EPN2: variants seen among roughly 807,000 people sequenced by gnomAD.
The protein encoded by EPN2 is epsin-2.
In EPN2, 34 loss-of-function variants were observed where a neutral mutation model predicts 61.7. The observed-to-expected ratio is 0.55, with a 90% CI of 0.42 to 0.73. The LOEUF (loss-of-function observed/expected upper bound fraction) is 0.73, where lower values mean the gene tolerates loss of function less well. Among genes scored for constraint, EPN2 ranks in the 30% least tolerant of loss-of-function variants. The pLI is 0.00. For synonymous variants in EPN2, 349 were observed against 353.6 expected, an observed-to-expected ratio of 0.99 and a Z score of 0.15; for missense variants, 714 against 839.2, an observed-to-expected ratio of 0.85 and a Z score of 1.84.
chr17:19,320,755 C>T (rs1248719869), intron 7 of EPN2, among the ~76,000 whole-genome samples: 1 of 152,152 alleles, frequency 6.6e-6, no homozygotes, highest in Non-Finnish European at 1.5e-5. Context: ...AGATTATGGG[C>T]CACTCTAATC....
chr17:19,313,178 A>G lies in EPN2; in HGVS notation c.1046A>G (p.Gln349Arg), dbSNP rs370518249. 2.5e-6 allele frequency: 4 copies of G among 1,613,464 alleles called. No homozygotes were observed. The African/African-American group carries it at 4.0e-5, about 16-fold the overall frequency. Reference sequence around the variant, plus strand: ...CTCCCCAGCTCGGGCCCCGCGGCCCAGAAAGCAGAGCCCTGGGGCCCGTCA... The same window carrying G: ...CTCCCCAGCTCGGGCCCCGCGGCCCGGAAAGCAGAGCCCTGGGGCCCGTCA... The part of the protein sequence containing the change: ...DALPSSGPAA[Q>R]KAEPWGPSAS... Residue 349 changes from glutamine to arginine, a missense_variant, in exon 7 of 11, where the codon CAG becomes CGG. Around this residue, in one of 2 missense-constraint regions of EPN2, gnomAD observed 410 missense variants for 421.8 expected, o/e 0.97. Coordinates refer to ENST00000314728, the MANE Select transcript of EPN2 (RefSeq NM_014964.5).
At chr17:19,307,788 C>G in intron 4 of EPN2, 22 of 460,356 alleles carry the variant, frequency 4.8e-5, no homozygotes, top group Non-Finnish European at 6.0e-5. Context: ...CCAGAAGCAG[C>G]CTCTTTCTAC....
At chr17:19,314,098 C>T (rs940910043) in intron 7 of EPN2, among the ~76,000 whole-genome samples, 30 of 152,124 alleles carry the variant, frequency 2.0e-4, no homozygotes, top group Admixed American at 9.2e-4. Flanking sequence ...ACTCGGTTCC[C>T]TAGATGTTTG....
chr17:19,313,485 T>C (rs1312030050), intron 7 of EPN2: 26 of 436,630 alleles, frequency 6.0e-5, no homozygotes, highest in Non-Finnish European at 9.2e-5. Context: ...TTTTGAGTGG[T>C]TTTCTGCTTT....
intron 4 of EPN2, among the ~76,000 whole-genome samples, chr17:19,287,227 C>T (rs543250578): frequency 2.0e-5 from 3 of 152,040 alleles, no homozygotes; most frequent in Admixed American, 6.6e-5. Context: ...GCTTGGATAT[C>T]GCTCCCACCA....
At chr17:19,251,814 C>G (rs1463877857) in intron 1 of EPN2, among the ~76,000 whole-genome samples, 1 of 152,002 alleles carries the variant, frequency 6.6e-6, no homozygotes, top group African/African-American at 2.4e-5. Context: ...CTGCTTGGGA[C>G]TAGAAATCTT....
At chr17:19,313,000 T>C in intron 6 of EPN2, 105 bp from the exon 7 acceptor site, 1 of 1,227,464 alleles carries the variant, frequency 8.1e-7, no homozygotes, top group Admixed American at 2.1e-5. Flanking sequence ...CTAGAGGGCT[T>C]CACTGGAGGA....
At chr17:19,277,796 G>A (rs1041743509) in intron 1 of EPN2, among the ~76,000 whole-genome samples, 2 of 152,202 alleles carry the variant, frequency 1.3e-5, no homozygotes, top group Admixed American at 1.3e-4. Context: ...GCTTTGGCCG[G>A]GCGCGGTGGC....
intron 7 of EPN2, among the ~76,000 whole-genome samples, chr17:19,317,128 C>G (rs1416920040): frequency 6.6e-6 from 1 of 152,248 alleles, no homozygotes; most frequent in African/African-American, 2.4e-5. Context: ...GCTGTGCCCT[C>G]TGGATGAAAG....
chr17:19,246,750 A>C, intron 1 of EPN2, among the ~76,000 whole-genome samples: 1 of 141,908 alleles, frequency 7.0e-6, no homozygotes. Flanking sequence ...CCCTGAAAGC[A>C]AGTCCTCCCT....
chr17:19,316,713 A>G (rs1259745972), intron 7 of EPN2, among the ~76,000 whole-genome samples: 1 of 152,254 alleles, frequency 6.6e-6, no homozygotes, highest in Non-Finnish European at 1.5e-5. Context: ...GAGCATTTCT[A>G]GGCATCATTA....
At chr17:19,243,384 ATTTTTTTT>A (rs1013094131) in intron 1 of EPN2, among the ~76,000 whole-genome samples, 49 of 77,264 alleles carry the variant, frequency 6.3e-4, no homozygotes, top group East Asian at 4.5e-3. Context: ...TGCCTGGCTA[ATTTTTTTT>A]TTTTTTTTTT....
intron 4 of EPN2, among the ~76,000 whole-genome samples, chr17:19,296,041 C>T (rs573047369): frequency 4.6e-5 from 7 of 152,338 alleles, no homozygotes; most frequent in African/African-American, 7.2e-5. Context: ...TAATGGAAAG[C>T]TTAGTCCAGC....
chr17:19,315,904 C>T (rs939589250), intron 7 of EPN2, among the ~76,000 whole-genome samples: 3 of 152,180 alleles, frequency 2.0e-5, no homozygotes, highest in Non-Finnish European at 4.4e-5. Context: ...AAACCGCATA[C>T]CCAGGCCCTG....
At chr17:19,295,380 A>G (rs1314153888) in intron 4 of EPN2, among the ~76,000 whole-genome samples, 2 of 71,894 alleles carry the variant, frequency 2.8e-5, no homozygotes, top group Non-Finnish European at 8.3e-5. Flanking sequence ...GCGTGCGCGC[A>G]AAATAGCCAG....
At chr17:19,243,471 C>T (rs923134155) in intron 1 of EPN2, among the ~76,000 whole-genome samples, 119 of 143,818 alleles carry the variant, frequency 8.3e-4, no homozygotes, top group Non-Finnish European at 5.9e-5. Flanking sequence ...CAGCTCACTG[C>T]AAGCTCCGCC....
chr17:19,250,013 ACTTTTAAGGATC>A (rs2044996533), intron 1 of EPN2, among the ~76,000 whole-genome samples: 1 of 150,222 alleles, frequency 6.7e-6, no homozygotes, highest in Non-Finnish European at 1.5e-5. Flanking sequence ...TCCCACTTCC[ACTTTTAAGGATC>A]CTTGTGATTA....
chr17:19,268,809 G>A (rs1804921358), intron 1 of EPN2, among the ~76,000 whole-genome samples: 1 of 152,238 alleles, frequency 6.6e-6, no homozygotes, highest in Admixed American at 6.5e-5. Context: ...GTGGGTGAGT[G>A]TCAGCTAGCT....
chr17:19,318,410 G>A (rs544662440), intron 7 of EPN2, among the ~76,000 whole-genome samples: 2 of 151,872 alleles, frequency 1.3e-5, no homozygotes, highest in Non-Finnish European at 2.9e-5. Context: ...CTAGCCAGGC[G>A]TAGTGGTGGG....
Sources: gnomAD v4.1 joint callset for allele counts (sites outside exome capture counted in the v4.1 genomes callset) on GRCh38, gnomAD v4.1.1 for gene constraint, gnomAD v4.1.1 regional missense constraint, MANE v1.5 for transcripts, NCBI Gene and HGNC (gene_info 2026-07-23, HGNC 2026-07-21) for gene names.